Variants in NKD1 observed in about 807,000 individuals in gnomAD.
The protein encoded by NKD1 is protein naked cuticle homolog 1.
NKD1 carries 21 observed loss-of-function variants against 56.0 expected under a neutral mutation model. The ratio of observed to expected loss-of-function variants is 0.38; its 90% CI spans 0.27 to 0.54. The LOEUF (loss-of-function observed/expected upper bound fraction) is 0.54, where lower values mean the gene tolerates loss of function less well. Ranked by LOEUF, NKD1 falls within the 20% of genes least tolerant of loss-of-function variation. The pLI is 0.82. For missense variants in NKD1, 578 were observed against 642.7 expected (o/e 0.90, Z 1.09); for synonymous variants, 263 against 265.7 (o/e 0.99, Z 0.10).
In NKD1 at chr16:50,574,515, C is replaced by T. The variant is rs1403150671; in HGVS notation, c.192+24960C>T. ...ATTTTGCTCCTCCTGCTGCTGGTGG[C>T]CGAGGCCCAGGCACGGCCGAATGGC... On this transcript the variant is annotated intron_variant, in intron 3 of 9. Coordinates refer to ENST00000268459, the MANE Select transcript of NKD1 (RefSeq NM_033119.5). 5.1e-6 allele frequency: 5 copies of T among 985,418 alleles called. No homozygotes were observed. In the East Asian group the frequency reaches 5.7e-4, roughly 112 times the overall value. The allele number at this position is 985,418 out of a possible 1,614,324, so 61.0% of individuals were successfully genotyped here.
chr16:50,618,001 C>T (rs960705476), intron 4 of NKD1, among the ~76,000 whole-genome samples: 2 of 152,152 alleles, frequency 1.3e-5, no homozygotes, highest in African/African-American at 4.8e-5. Context: ...AAGCCATGGA[C>T]AATGCAGATG....
intron 4 of NKD1, among the ~76,000 whole-genome samples, chr16:50,611,086 C>T (rs530846680): frequency 2.6e-5 from 4 of 152,296 alleles, no homozygotes; most frequent in Non-Finnish European, 4.4e-5. Context: ...TCGCAGCCTG[C>T]GGCTTGGGCC....
chr16:50,602,930 C>A (rs779564885), intron 3 of NKD1, among the ~76,000 whole-genome samples: 1 of 152,232 alleles, frequency 6.6e-6, no homozygotes, highest in African/African-American at 2.4e-5. Context: ...CCCTAAACAT[C>A]ACTGGATTCG....
At chr16:50,571,995 A>C (rs1960895553) in intron 3 of NKD1, among the ~76,000 whole-genome samples, 1 of 152,042 alleles carries the variant, frequency 6.6e-6, no homozygotes, top group East Asian at 1.9e-4. Context: ...CACCCATCAC[A>C]TGCCCAACTC....
Position 50,623,520 on chromosome 16 carries a change from C to T in NKD1, c.366+1812C>T, listed in dbSNP as rs1002199488. On this transcript the variant is annotated intron_variant, in intron 5 of 9. Coordinates refer to ENST00000268459, the MANE Select transcript of NKD1 (RefSeq NM_033119.5). This position sits in a 1 kb window ranked among gnomAD's most constrained non-coding sequence, Gnocchi z 4.1. ...GACCAGGCCCAGGCATCCTGCCTCC[C>T]TGGAAGCCCAAGTGCGCTTGCTTCT... 3.3e-5 allele frequency among the ~76,000 whole-genome samples: 5 copies of T among 152,114 alleles called. No homozygotes were observed. The highest frequency in any genetic ancestry group is 5.9e-5 in the Non-Finnish European group (4 of 68,008).
chr16:50,640,249 C>T lies in NKD1; in HGVS notation c.*6468C>T, dbSNP rs1423917250. ...GCGCTTCTGAGCAGGAAGACCAAGA[C>T]CTTCAGGGGCCCTAAGCACTGAAAA... On this transcript the variant is annotated 3_prime_UTR_variant, in exon 10 of 10. Coordinates refer to ENST00000268459, the MANE Select transcript of NKD1 (RefSeq NM_033119.5). The T allele has an allele frequency of 6.6e-6, 1 of 152,258 alleles. No individual in the cohort carries two copies. The highest frequency in any genetic ancestry group is 1.5e-5 in the Non-Finnish European group (1 of 68,082). 9.4% of individuals were successfully genotyped at this position (152,258 alleles called of 1,614,324 possible).
chr16:50,622,825 G>A (rs1219367294), intron 5 of NKD1, among the ~76,000 whole-genome samples: 1 of 152,100 alleles, frequency 6.6e-6, no homozygotes, highest in African/African-American at 2.4e-5. Context: ...AGTGCACAGT[G>A]TGACCAGGGG....
chr16:50,579,255 C>T (rs572864580), intron 3 of NKD1, among the ~76,000 whole-genome samples: 5 of 150,052 alleles, frequency 3.3e-5, no homozygotes, highest in Admixed American at 2.6e-4. Context: ...GCGGGCTACC[C>T]GCTACACACG....
rs971086719 is a variant in NKD1 at position 50,647,733 on chromosome 16, C to T, written c.*13952C>T. On this transcript the variant is annotated 3_prime_UTR_variant, in exon 10 of 10. Coordinates refer to ENST00000268459, the MANE Select transcript of NKD1 (RefSeq NM_033119.5). ...CAGGTACTGGCAGTCGGAAATTGGA[C>T]CAGCAAACAGAAATGATTCCTACAG... is the stretch of plus-strand genomic sequence containing the variant. The T allele has an allele frequency of 1.3e-5, 2 of 152,174 alleles. No individual in the cohort carries two copies. Among genetic ancestry groups the T allele is most frequent in the Admixed American group, 1.3e-4 (2 of 15,280 alleles). The allele number at this position is 152,174 out of a possible 1,614,324, so 9.4% of individuals were successfully genotyped here.
chr16:50,630,974 T>TTCAGAGCAGGAAG (rs1206563880), intron 8 of NKD1, 64 bp downstream of exon 8: 1 of 1,359,162 alleles, frequency 7.4e-7, no homozygotes, highest in African/African-American at 1.4e-5. Context: ...TTCTGAAGGA[T>TTCAGAGCAGGAAG]TCAGAGCAGG....
rs1962709442 is a variant in NKD1, at chr16:50,647,880, G to A, written c.*14099G>A. The A allele has an allele frequency of 6.6e-6, 1 of 152,226 alleles. No homozygotes were observed. The highest frequency in any genetic ancestry group is 1.5e-5 in the Non-Finnish European group (1 of 68,056). The allele number at this position is 152,226 out of a possible 1,614,324, so 9.4% of individuals were successfully genotyped here. ...CCTCAAAGGAAAAGGTGAGGGGTTT[G>A]GACATTTCCTGAGAATCCATGGGGG... On this transcript the variant is annotated 3_prime_UTR_variant, in exon 10 of 10. Coordinates refer to ENST00000268459, the MANE Select transcript of NKD1 (RefSeq NM_033119.5).
At chr16:50,562,430 A>G (rs896529613) in intron 3 of NKD1, 6 of 211,376 alleles carry the variant, frequency 2.8e-5, no homozygotes, top group Non-Finnish European at 4.9e-5. Flanking sequence ...TTTACAAAAA[A>G]TGAGCATGTG....
intron 3 of NKD1, chr16:50,575,382 C>T (rs558123245): frequency 1.5e-5 from 15 of 978,718 alleles, no homozygotes; most frequent in African/African-American, 1.2e-4. Context: ...AACATCAGCG[C>T]GAGGGTAATT....
intron 3 of NKD1, chr16:50,562,251 A>G: frequency 2.1e-6 from 2 of 968,310 alleles, no homozygotes; most frequent in Non-Finnish European, 2.5e-6. Flanking sequence ...CAAAACATTC[A>G]TAGGCCATGG....
intron 5 of NKD1, among the ~76,000 whole-genome samples, chr16:50,624,352 G>A (rs1386138364): frequency 6.6e-6 from 1 of 152,050 alleles, no homozygotes; most frequent in Non-Finnish European, 1.5e-5. Context: ...CACATTCCCT[G>A]GGGTCAGACA....
At chr16:50,599,692 C>G (rs1218664459) in intron 3 of NKD1, among the ~76,000 whole-genome samples, 1 of 152,200 alleles carries the variant, frequency 6.6e-6, no homozygotes, top group Non-Finnish European at 1.5e-5. Context: ...ATCCCAGTTT[C>G]CACTGTAGAA....
At chr16:50,621,521 T>C in intron 4 of NKD1, 81 bp from the exon 5 acceptor site, 3 of 965,572 alleles carry the variant, frequency 3.1e-6, no homozygotes, top group Non-Finnish European at 4.8e-6. Context: ...AGGCCAGGCA[T>C]GGAGGACAAA....
chr16:50,639,616 A>T lies in NKD1; in HGVS notation c.*5835A>T, dbSNP rs1962540593. ...AGCAGCCATGCTGCAGCAGAGGATG[A>T]GGCTGGCGGATTTAGTAAGAGCCCT... On this transcript the variant is annotated 3_prime_UTR_variant, in exon 10 of 10. Coordinates refer to ENST00000268459, the MANE Select transcript of NKD1 (RefSeq NM_033119.5). The T allele has an allele frequency of 6.6e-6, 1 of 152,234 alleles. No individual in the cohort carries two copies. Among genetic ancestry groups the T allele is most frequent in the South Asian group, 2.1e-4 (1 of 4,832 alleles). 9.4% of individuals were successfully genotyped at this position (152,234 alleles called of 1,614,324 possible). A position where few individuals can be genotyped will look rare whatever the true frequency, so the allele number is the denominator to read the frequency against.
chr16:50,605,690 T>C (rs1171675227), intron 3 of NKD1, among the ~76,000 whole-genome samples: 2 of 152,232 alleles, frequency 1.3e-5, no homozygotes, highest in African/African-American at 4.8e-5. Flanking sequence ...GTTTGTAGTT[T>C]ATATGCAAAT....
Sources: allele counts gnomAD v4.1 joint callset (sites outside exome capture counted in the v4.1 genomes callset), GRCh38; gene constraint gnomAD v4.1.1; non-coding constraint Gnocchi (gnomAD v3.1); transcripts MANE v1.5; gene names NCBI Gene and HGNC (gene_info 2026-07-23, HGNC 2026-07-21).